OS9: variants seen among roughly 807,000 people sequenced by gnomAD.
The protein encoded by OS9 is OS9 endoplasmic reticulum lectin.
Under a neutral mutation model 84.7 loss-of-function variants are expected in OS9, and 58 were observed. That is an observed-to-expected ratio of 0.68 (90% CI 0.55 to 0.85). The LOEUF is 0.85. Among genes scored for constraint, OS9 ranks in the 40% least tolerant of loss-of-function variants. OS9 has a pLI of 0.00. For synonymous variants in OS9, 278 were observed against 320.8 expected (o/e 0.87, Z 1.43); for missense variants, 760 against 850.9 (o/e 0.89, Z 1.33).
At chr12:57,698,532 G>A (rs1005278264) in intron 5 of OS9, among the ~76,000 whole-genome samples, 1 of 152,220 alleles carries the variant, frequency 6.6e-6, no homozygotes, top group African/African-American at 2.4e-5. Context: ...GTGAAGTGCA[G>A]CCCGCAGGGG....
chr12:57,720,539 A>G, intron 14 of OS9, 21 bp downstream of exon 14: 1 of 1,541,010 alleles, frequency 6.5e-7, no homozygotes, highest in Non-Finnish European at 9.0e-7. Flanking sequence ...TCTACCCCCG[A>G]GTCCTGGCCC....
intron 4 of OS9, 83 bp downstream of exon 4, chr12:57,696,121 C>A: frequency 1.6e-6 from 2 of 1,274,228 alleles, no homozygotes; most frequent in Non-Finnish European, 2.3e-6. Flanking sequence ...TCAAGATTAG[C>A]TGATCTGTTT....
At chr12:57,716,888 T>A in intron 9 of OS9, 144 bp downstream of exon 9, 1 of 677,274 alleles carries the variant, frequency 1.5e-6, no homozygotes. Context: ...ATACTCTTTG[T>A]AGACAGCACT....
In OS9 at chr12:57,719,044, C is replaced by T. The variant is rs761504724; in HGVS notation, c.1462C>T (p.Arg488Trp). ...GCTGAAGAAGGAGTCAGAGCGGGAT[C>T]GGGCAATGCTGGCTCTCACATCCAC... is the stretch of plus-strand genomic sequence containing the variant. ...DGLKKESERDRAMLALTSTLN... is the reference protein window; with the variant it reads ...DGLKKESERDWAMLALTSTLN... The change falls in exon 12 of 15, where the codon CGG becomes TGG. Residue 488 changes from arginine to tryptophan, a missense_variant. By Grantham distance (101) the Arg-to-Trp change is moderately radical (BLOSUM62 -3). Transcript: ENST00000315970. 6.8e-6 allele frequency: 11 copies of T among 1,613,972 alleles called. No individual in the cohort carries two copies. The highest frequency in any genetic ancestry group is 2.2e-5 in the South Asian group (2 of 91,078).
Position 57,718,137 on chromosome 12 carries a change from C to G in OS9, c.1135-9C>G, listed in dbSNP as rs762869267. On this transcript the variant is annotated splice_polypyrimidine_tract_variant and intron_variant, in intron 10 of 14. Coordinates refer to ENST00000315970, the MANE Select transcript of OS9 (RefSeq NM_006812.4). ...CAACTGTCTTTCTCCCCACTCCCTACCCACCCAGGGGAAGCCAAATATAGG... is the reference window on the plus strand; with the variant it reads ...CAACTGTCTTTCTCCCCACTCCCTAGCCACCCAGGGGAAGCCAAATATAGG... 33 of 1,611,418 alleles carry G rather than the reference C, an allele frequency of 2.0e-5. No individual in the cohort carries two copies. Among genetic ancestry groups the G allele is most frequent in the Non-Finnish European group, 2.8e-5 (33 of 1,178,266 alleles).
In OS9 at chr12:57,715,654, C is replaced by T. The variant is rs111392519; in HGVS notation, c.580-106C>T. The T allele has an allele frequency of 6.5e-3, 5,057 of 775,842 alleles. 172 individuals carry two copies. The African/African-American group carries it at 0.071, about 11-fold the overall frequency. 48.1% of individuals were successfully genotyped at this position (775,842 alleles called of 1,614,324 possible). On this transcript the variant is annotated intron_variant, in intron 5 of 14. Transcript: ENST00000315970. ...TAAAGTGCCATATGCACAGTGTATGCACAATGCTTGACAGATAATCAGTGC... is the reference window on the plus strand; with the variant it reads ...TAAAGTGCCATATGCACAGTGTATGTACAATGCTTGACAGATAATCAGTGC...
intron 2 of OS9, among the ~76,000 whole-genome samples, chr12:57,695,336 TTAGAGTG>T: frequency 6.6e-6 from 1 of 152,330 alleles, no homozygotes; most frequent in African/African-American, 2.4e-5. Context: ...ATTCCCCGCA[TTAGAGTG>T]TAAACTCCAT....
chr12:57,696,624 C>T (rs1402342903), intron 5 of OS9, among the ~76,000 whole-genome samples: 1 of 151,934 alleles, frequency 6.6e-6, no homozygotes, highest in African/African-American at 2.4e-5. Flanking sequence ...GGTGAAACCC[C>T]ATCTCTACTA....
intron 5 of OS9, among the ~76,000 whole-genome samples, chr12:57,697,088 T>C (rs2140289095): frequency 6.6e-6 from 1 of 152,364 alleles, no homozygotes; most frequent in Non-Finnish European, 1.5e-5. Flanking sequence ...GCCAGAGTTA[T>C]CTTTCCATAA....
chr12:57,720,581 C>G, intron 14 of OS9, 63 bp downstream of exon 14: 1 of 1,359,168 alleles, frequency 7.4e-7, no homozygotes. Flanking sequence ...TGCGGGCTTG[C>G]CCCAGCCACG....
At chr12:57,694,344 G>A (rs1302117680) in intron 1 of OS9, 21 bp downstream of exon 1, 3 of 1,613,416 alleles carry the variant, frequency 1.9e-6, no homozygotes, top group South Asian at 2.2e-5. Context: ...TATAAGGGGC[G>A]AGGGTCTGGG....
At chr12:57,711,446 A>G (rs1188599383) in intron 5 of OS9, among the ~76,000 whole-genome samples, 1 of 145,022 alleles carries the variant, frequency 6.9e-6, no homozygotes, top group East Asian at 2.0e-4. Flanking sequence ...TCCCGGGTTC[A>G]AGGGATTCAC....
chr12:57,718,830 G>A lies in OS9; in HGVS notation c.1411-163G>A, dbSNP rs537287878. ...TGAGGCAAGAGAATCGCTCGAACCC[G>A]GGAGGCGGAGGTTGCAGTGAGCCGA... On this transcript the variant is annotated intron_variant, in intron 11 of 14. Coordinates refer to ENST00000315970, the MANE Select transcript of OS9 (RefSeq NM_006812.4). Among the ~76,000 whole-genome samples, 17 of 152,270 alleles carry A rather than the reference G, an allele frequency of 1.1e-4. No individual in the cohort carries two copies. The South Asian group carries it at 3.3e-3, about 30-fold the overall frequency.
Position 57,697,923 on chromosome 12 carries a change from A to C in OS9, c.579+1550A>C, listed in dbSNP as rs1953905933. On this transcript the variant is annotated intron_variant, in intron 5 of 14. Transcript: ENST00000315970. Reference sequence around the variant, plus strand: ...AACATAAGCAAACACACACACACACATACACACACACACACACACACACAC... The same window carrying C: ...AACATAAGCAAACACACACACACACCTACACACACACACACACACACACAC... 6.7e-3 allele frequency among the ~76,000 whole-genome samples: 429 copies of C among 63,620 alleles called. 4 individuals carry two copies. The highest frequency in any genetic ancestry group is 0.011 in the Admixed American group (57 of 5,376). 41.7% of individuals were successfully genotyped at this position (63,620 alleles called of 152,430 possible). A position where few individuals can be genotyped will look rare whatever the true frequency, so the allele number is the denominator to read the frequency against.
At chr12:57,697,920 C>CGGAACCTA (rs1555192641) in intron 5 of OS9, among the ~76,000 whole-genome samples, 8,241 of 80,464 alleles carry the variant, frequency 0.1, 585 homozygotes, top group African/African-American at 0.12. Context: ...CACACACACA[C>CGGAACCTA]ACATACACAC....
rs146660687 is a variant in OS9, at chr12:57,706,919, G to A, written c.580-8841G>A. ...ATCCCCACAATATGCTACAAAACCG[G>A]TATATTGGGGGGATCGTTGTTGCTA... On this transcript the variant is annotated intron_variant, in intron 5 of 14. Transcript: ENST00000315970. Among the ~76,000 whole-genome samples the A allele has an allele frequency of 1.5e-3, 224 of 150,544 alleles. 1 individual carries two copies. The highest frequency in any genetic ancestry group is 2.7e-3 in the Admixed American group (40 of 15,060).
At chr12:57,714,115 A>AG (rs568129845) in intron 5 of OS9, among the ~76,000 whole-genome samples, 1 of 152,132 alleles carries the variant, frequency 6.6e-6, no homozygotes, top group African/African-American at 2.4e-5. Context: ...TGAAAAAAAA[A>AG]AAAAGATTTA....
At chr12:57,696,455 G>GGGGCAAGGAA in intron 5 of OS9, 82 bp downstream of exon 5, 1 of 232,640 alleles carries the variant, frequency 4.3e-6, no homozygotes. Context: ...TTATAGTCGG[G>GGGGCAAGGAA]GCGGGGGCGG....
intron 4 of OS9, 40 bp from the exon 5 acceptor site, chr12:57,696,235 C>A: frequency 6.7e-7 from 1 of 1,500,010 alleles, no homozygotes; most frequent in Non-Finnish European, 9.2e-7. Flanking sequence ...TCTTTGCTAT[C>A]TTTCTCATGT....
Sources: gnomAD v4.1 joint callset for allele counts (sites outside exome capture counted in the v4.1 genomes callset) on GRCh38, gnomAD v4.1.1 for gene constraint, MANE v1.5 for transcripts, NCBI Gene and HGNC (gene_info 2026-07-23, HGNC 2026-07-21) for gene names.